TFAP2A: variants seen among roughly 807,000 people sequenced by gnomAD.
TFAP2A encodes the protein transcription factor AP-2-alpha.
TFAP2A carries 7 observed loss-of-function variants against 41.5 expected under a neutral mutation model. That is an observed-to-expected ratio of 0.17 (90% CI 0.10 to 0.32). TFAP2A has a LOEUF of 0.32. Ranked by LOEUF, TFAP2A falls within the 10% of genes least tolerant of loss-of-function variation. The pLI, the probability that TFAP2A is intolerant of heterozygous loss-of-function variation, is 1.00. For missense variants in TFAP2A, 416 were observed against 563.3 expected (o/e 0.74, Z 2.65); for synonymous variants, 247 against 242.8 (o/e 1.02, Z -0.16).
At chr6:10,415,076 G>A, upstream of TFAP2A, 6 of 1,613,202 alleles carry the variant, frequency 3.7e-6, no homozygotes, top group South Asian at 5.5e-5. Flanking sequence ...CTGGCTGCCG[G>A]CGGTGAGCGC....
At chr6:10,409,617 G>A (rs1002045192) in intron 2 of TFAP2A, 1 of 454,212 alleles carries the variant, frequency 2.2e-6, no homozygotes. Context: ...TCGAGAGGAA[G>A]ATATTGTTAA....
chr6:10,419,595 T>C, upstream of TFAP2A: 3 of 1,053,858 alleles, frequency 2.8e-6, no homozygotes, highest in Non-Finnish European at 4.4e-6. Context: ...GCTGGGTTGC[T>C]ACCTGCCGAC....
At chr6:10,410,890 G>C (rs1165890216) in intron 1 of TFAP2A, 2 of 160,210 alleles carry the variant, frequency 1.2e-5, no homozygotes, top group Non-Finnish European at 2.8e-5. Flanking sequence ...CTGCAGGATC[G>C]GGGTCTGTCT....
intron 5 of TFAP2A, 130 bp from the exon 6 acceptor site, chr6:10,400,719 TC>T (rs780883948): frequency 4.6e-6 from 5 of 1,085,258 alleles, no homozygotes; most frequent in Non-Finnish European, 6.9e-6. Flanking sequence ...ACTTGTTTTC[TC>T]ATTTCAGGCA....
chr6:10,405,451 A>G (rs1757666267), intron 3 of TFAP2A: 1 of 152,206 alleles, frequency 6.6e-6, no homozygotes. Context: ...CCTACAGTGG[A>G]ATACTAGCAA....
upstream of TFAP2A, chr6:10,415,188 GAGGGCGAGGAGA>G (rs370163373): frequency 1.7e-4 from 252 of 1,495,342 alleles, no homozygotes; most frequent in Non-Finnish European, 2.1e-4. Context: ...GGAGGAGGAG[GAGGGCGAGGAGA>G]AGGGCGAGGA....
At chr6:10,403,646 CA>C (rs1315079654) in intron 4 of TFAP2A, among the ~76,000 whole-genome samples, 2 of 152,122 alleles carry the variant, frequency 1.3e-5, no homozygotes, top group African/African-American at 4.8e-5. Flanking sequence ...ACACAAGCCC[CA>C]CAACTCACAA....
At chr6:10,415,172 GGGC>G, upstream of TFAP2A, 4 of 1,507,328 alleles carry the variant, frequency 2.7e-6, no homozygotes, top group Non-Finnish European at 3.5e-6. Context: ...AGGAAGAGGA[GGGC>G]GAGGAGGAGG....
intron 4 of TFAP2A, 79 bp downstream of exon 4, chr6:10,404,429 T>C (rs569686810): frequency 6.4e-6 from 7 of 1,089,716 alleles, no homozygotes; most frequent in South Asian, 5.7e-5. Flanking sequence ...CCTGTTTGCG[T>C]CGCCGCCACC....
Position 10,397,674 on chromosome 6 carries a change from C to A in TFAP2A, c.*743G>T. ...GATCAGATAAATAAAAAAAAAAAGG[C>A]TTAAAACAGACTCACCATATTTACA... On this transcript the variant is annotated 3_prime_UTR_variant, in exon 7 of 7. Transcript: ENST00000379613. The A allele has an allele frequency of 4.9e-6, 1 of 203,462 alleles. No homozygotes were observed. The highest frequency in any genetic ancestry group is 8.6e-6 in the Non-Finnish European group (1 of 116,174). 12.6% of individuals were successfully genotyped at this position (203,462 alleles called of 1,614,324 possible).
rs755031687 is a variant in TFAP2A, at chr6:10,398,719, G to A, written c.1032-14C>T. 1.9e-6 allele frequency: 3 copies of A among 1,613,724 alleles called. No homozygotes were observed. The highest frequency in any genetic ancestry group is 1.7e-6 in the Non-Finnish European group (2 of 1,179,818). On this transcript the variant is annotated splice_polypyrimidine_tract_variant and intron_variant, in intron 6 of 6. Transcript: ENST00000379613. The surrounding 1 kb of genome is among the most constrained non-coding windows in gnomAD (Gnocchi z 5.3). ...TTGCATATCTGTCTGCAGCACAAGTGGAGCAGAGAGAGAGACATAAGGCTC... is the reference window on the plus strand; with the variant it reads ...TTGCATATCTGTCTGCAGCACAAGTAGAGCAGAGAGAGAGACATAAGGCTC...
At chr6:10,410,811 G>A (rs114022957) in intron 1 of TFAP2A, 28 of 162,718 alleles carry the variant, frequency 1.7e-4, no homozygotes, top group African/African-American at 6.7e-4. Flanking sequence ...TACTTAAATA[G>A]AAACATATTT....
At chr6:10,415,249 G>C (rs1000493491), upstream of TFAP2A, 140 of 1,447,868 alleles carry the variant, frequency 9.7e-5, no homozygotes, top group Non-Finnish European at 1.2e-4. Flanking sequence ...TGCGCTCGGA[G>C]ATCTCCCTCT....
chr6:10,406,951 C>G (rs1245044954), intron 2 of TFAP2A, 107 bp from the exon 3 acceptor site: 12 of 894,708 alleles, frequency 1.3e-5, no homozygotes, highest in Non-Finnish European at 2.3e-5. Context: ...AAAATTCCCC[C>G]TCCCGTATAA....
chr6:10,399,566 C>A (rs1761925750), intron 6 of TFAP2A, among the ~76,000 whole-genome samples: 1 of 152,184 alleles, frequency 6.6e-6, no homozygotes, highest in Admixed American at 6.5e-5. Flanking sequence ...AGCAGCCTGG[C>A]CTGGGGGGCT....
intron 4 of TFAP2A, among the ~76,000 whole-genome samples, chr6:10,403,556 T>C (rs556801981): frequency 6.6e-6 from 1 of 152,278 alleles, no homozygotes; most frequent in African/African-American, 2.4e-5. Context: ...TATCAACACA[T>C]AAGTAAATGA....
At chr6:10,400,656 C>T in intron 5 of TFAP2A, 67 bp from the exon 6 acceptor site, 4 of 1,563,318 alleles carry the variant, frequency 2.6e-6, no homozygotes, top group Non-Finnish European at 2.6e-6. Context: ...ACTTCCTCCC[C>T]ACTCCCAACT....
chr6:10,412,268 G>A, intron 1 of TFAP2A: 1 of 987,764 alleles, frequency 1.0e-6, no homozygotes, highest in Non-Finnish European at 1.2e-6. Context: ...CACAGGGAAG[G>A]GGCAACATTT....
chr6:10,411,158 A>G (rs1392283159), intron 1 of TFAP2A: 1 of 189,730 alleles, frequency 5.3e-6, no homozygotes, highest in African/African-American at 2.3e-5. Flanking sequence ...TTGATTCCAG[A>G]GACCGCGAAC....
Sources: allele counts gnomAD v4.1 joint callset (sites outside exome capture counted in the v4.1 genomes callset), GRCh38; gene constraint gnomAD v4.1.1; non-coding constraint Gnocchi (gnomAD v3.1); transcripts MANE v1.5; gene names NCBI Gene and HGNC (gene_info 2026-07-23, HGNC 2026-07-21).